CXCL1: variants seen among roughly 807,000 people sequenced by gnomAD.
CXCL1 encodes the protein C-X-C motif chemokine ligand 1.
CXCL1 carries 9 observed loss-of-function variants against 11.7 expected under a neutral mutation model. The ratio of observed to expected loss-of-function variants is 0.77; its 90% confidence interval spans 0.46 to 1.34. The LOEUF is 1.34. CXCL1 is among the 40% of genes most tolerant of loss of function. The pLI, the probability that CXCL1 is intolerant of heterozygous loss-of-function variation, is 0.00. For missense variants in CXCL1, 146 were observed against 138.1 expected (o/e 1.06, Z -0.29); for synonymous variants, 78 against 59.1 (o/e 1.32, Z -1.47).
Position 73,869,848 on chromosome 4 carries a change from G to A in CXCL1, c.224+56G>A, listed in dbSNP as rs1731902180. 5.0e-6 allele frequency: 8 copies of A among 1,613,588 alleles called. No individual in the cohort carries two copies. In the East Asian group the frequency reaches 1.8e-4, roughly 36 times the overall value. On this transcript the variant is annotated intron_variant, in intron 2 of 3. Coordinates refer to ENST00000395761, the MANE Select transcript of CXCL1 (RefSeq NM_001511.4). ...CGCCGGGGTCCCAGACCCTCCTGCT[G>A]CCCCAACCCTGTCCCCAGCCCGACC...
chr4:73,870,069 C>A, intron 3 of CXCL1, 80 bp downstream of exon 3: 3 of 1,355,826 alleles, frequency 2.2e-6, no homozygotes, highest in South Asian at 1.2e-5. Context: ...AAAATAAAAT[C>A]AGGAAAACCC....
Position 73,870,944 on chromosome 4 carries a change from A to G in CXCL1, c.*408A>G. ...GATAGAGGCTGGCGGATCCAAGCAA[A>G]TGGCCAATGAGATCATTGTGAAGGC... On this transcript the variant is annotated 3_prime_UTR_variant, in exon 4 of 4. Transcript: ENST00000395761. 6.0e-6 allele frequency: 1 copy of G among 167,636 alleles called. No individual in the cohort carries two copies. Among genetic ancestry groups the G allele is most frequent in the Non-Finnish European group, 1.3e-5 (1 of 76,418 alleles). The allele number at this position is 167,636 out of a possible 1,614,324, so 10.4% of individuals were successfully genotyped here.
At chr4:73,869,836 G>A (rs1360790181) in intron 2 of CXCL1, 44 bp downstream of exon 2, 2 of 1,613,588 alleles carry the variant, frequency 1.2e-6, no homozygotes, top group Non-Finnish European at 1.7e-6. Flanking sequence ...CGGGGTCCCA[G>A]ACCCTCCTGC....
In CXCL1 at chr4:73,869,775, C is replaced by A; in HGVS notation, c.207C>A (p.Cys69Ter). The stretch of plus-strand genomic sequence containing the variant: ...ACGTGAAGTCCCCCGGACCCCACTG[C>A]GCCCAAACCGAAGTCATGTAAGTCC... ...SVNVKSPGPH[C>*]AQTEVIATLK... is the part of the protein sequence containing the mutation. The change falls in exon 2 of 4, where the codon TGC becomes TGA. Residue 69 changes from cysteine to a stop codon, truncating the protein, a stop_gained. Transcript: ENST00000395761. LOFTEE classifies it high-confidence loss of function. The A allele has an allele frequency of 6.2e-7, 1 of 1,614,054 alleles. No homozygotes were observed. Among genetic ancestry groups the A allele is most frequent in the Non-Finnish European group, 8.5e-7 (1 of 1,179,942 alleles).
Position 73,869,435 on chromosome 4 carries a change from T to TCCTCTC in CXCL1, c.-35_-30dup, listed in dbSNP as rs1393691058. 1 of 1,540,284 alleles carries TCCTCTC rather than the reference T, an allele frequency of 6.5e-7. No individual in the cohort carries two copies. The highest frequency in any genetic ancestry group is 2.4e-5 in the East Asian group (1 of 40,914). On this transcript the variant is annotated 5_prime_UTR_variant, in exon 1 of 4. Transcript: ENST00000395761. ...GGCACCTCCTCGCCAGCTCTTCCGC[T>TCCTCTC]CCTCTCACAGCCGCCAGACCCGCCT...
rs1379829800 is a variant in CXCL1 at position 73,870,879 on chromosome 4, G to A, written c.*343G>A. The A allele has an allele frequency of 4.8e-6, 1 of 206,564 alleles. No individual in the cohort carries two copies. Among genetic ancestry groups the A allele is most frequent in the African/African-American group, 2.3e-5 (1 of 42,622 alleles). 12.8% of individuals were successfully genotyped at this position (206,564 alleles called of 1,614,324 possible). A position where few individuals can be genotyped will look rare whatever the true frequency, so the allele number is the denominator to read the frequency against. ...TTTTCAAATGTTCTCCAGTCATTAT[G>A]TTAATATTTCTGAGGAGCCTGCAAC... On this transcript the variant is annotated 3_prime_UTR_variant, in exon 4 of 4. Coordinates refer to ENST00000395761, the MANE Select transcript of CXCL1 (RefSeq NM_001511.4).
In CXCL1 at chr4:73,870,655, T is replaced by C. The variant is rs772601219; in HGVS notation, c.*119T>C. 1.9e-5 allele frequency: 22 copies of C among 1,150,710 alleles called. No individual in the cohort carries two copies. Among genetic ancestry groups the C allele is most frequent in the African/African-American group, 7.8e-5 (5 of 64,020 alleles). 71.3% of individuals were successfully genotyped at this position (1,150,710 alleles called of 1,614,324 possible). A position where few individuals can be genotyped will look rare whatever the true frequency, so the allele number is the denominator to read the frequency against. On this transcript the variant is annotated 3_prime_UTR_variant, in exon 4 of 4. Transcript: ENST00000395761. ...GCCACCTGGATTGTGCCTAATGTGT[T>C]TGAGCATCGCTTAGGAGAAGTCTTC... is the stretch of plus-strand genomic sequence containing the variant.
chr4:73,869,647 CAGTG>C lies in CXCL1; in HGVS notation c.101-18_101-15del. ...CCCAGCGCCGACAGCCTCGCTCAGT[CAGTG>C]AGTCTCTTCTTCCCTAGGAGCGTCC... is the stretch of plus-strand genomic sequence containing the variant. On this transcript the variant is annotated intron_variant, in intron 1 of 3. Transcript: ENST00000395761. The C allele has an allele frequency of 6.2e-7, 1 of 1,614,096 alleles. No individual in the cohort carries two copies. The highest frequency in any genetic ancestry group is 1.1e-5 in the South Asian group (1 of 91,076).
At position 73,871,281 on chromosome 4, in the gene CXCL1, C is replaced by G; in HGVS notation, c.*745C>G. 3 of 152,288 alleles carry G rather than the reference C, an allele frequency of 2.0e-5. No individual in the cohort carries two copies. In the Middle Eastern group the frequency reaches 0.01, roughly 518 times the overall value. 9.4% of individuals were successfully genotyped at this position (152,288 alleles called of 1,614,324 possible). On this transcript the variant is annotated 3_prime_UTR_variant, in exon 4 of 4. Transcript: ENST00000395761. The stretch of plus-strand genomic sequence containing the variant: ...TGGGGGGAAACAAGGGCTACCTTTA[C>G]TGGAAAATCTGGTGATTTATATCAA...
chr4:73,870,185 G>A, intron 3 of CXCL1, 196 bp downstream of exon 3: 1 of 663,606 alleles, frequency 1.5e-6, no homozygotes. Flanking sequence ...AATGCCTGGC[G>A]TCCCCACCCT....
rs1303671398 is a variant in CXCL1, at chr4:73,871,110, C to T, written c.*574C>T. The stretch of plus-strand genomic sequence containing the variant: ...TAAAATGTTCTAAATATCCCTTGGA[C>T]ATTTTATGTCTTTCTTGTAAGGCAT... On this transcript the variant is annotated 3_prime_UTR_variant, in exon 4 of 4. Coordinates refer to ENST00000395761, the MANE Select transcript of CXCL1 (RefSeq NM_001511.4). 1 of 152,698 alleles carries T rather than the reference C, an allele frequency of 6.5e-6. No individual in the cohort carries two copies. Among genetic ancestry groups the T allele is most frequent in the Non-Finnish European group, 1.5e-5 (1 of 68,370 alleles). The allele number at this position is 152,698 out of a possible 1,614,324, so 9.5% of individuals were successfully genotyped here. A position where few individuals can be genotyped will look rare whatever the true frequency, so the allele number is the denominator to read the frequency against.
rs1731908698 is a variant in CXCL1 at position 73,869,950 on chromosome 4, C to T, written c.269C>T (p.Ser90Phe). 1.2e-6 allele frequency: 2 copies of T among 1,614,120 alleles called. No homozygotes were observed. Among genetic ancestry groups the T allele is most frequent in the Non-Finnish European group, 1.7e-6 (2 of 1,180,018 alleles). ...NGRKACLNPA[S>F]PIVKKIIEKM... ...CGGAAAGCTTGCCTCAATCCTGCATCCCCCATAGTTAAGAAAATCATCGAA... is the reference window on the plus strand; with the variant it reads ...CGGAAAGCTTGCCTCAATCCTGCATTCCCCATAGTTAAGAAAATCATCGAA... Residue 90 changes from serine to phenylalanine, a missense_variant, in exon 3 of 4, where the codon TCC (serine) becomes TTC (phenylalanine). Transcript: ENST00000395761.
intron 3 of CXCL1, 33 bp from the exon 4 acceptor site, chr4:73,870,488 C>G: frequency 6.2e-7 from 1 of 1,613,682 alleles, no homozygotes. Context: ...CTTTCCCGAG[C>G]ACCTACTCAG....
rs1731944106 is a variant in CXCL1 at position 73,871,128 on chromosome 4, T to C, written c.*592T>C. ...CCTTGGACATTTTATGTCTTTCTTG[T>C]AAGGCATACTGCCTTGTTTAATGGT... On this transcript the variant is annotated 3_prime_UTR_variant, in exon 4 of 4. Transcript: ENST00000395761. 6.6e-6 allele frequency: 1 copy of C among 152,654 alleles called. No homozygotes were observed. The highest frequency in any genetic ancestry group is 1.5e-5 in the Non-Finnish European group (1 of 68,314). 9.5% of individuals were successfully genotyped at this position (152,654 alleles called of 1,614,324 possible). A position where few individuals can be genotyped will look rare whatever the true frequency, so the allele number is the denominator to read the frequency against.
chr4:73,870,418 G>A, intron 3 of CXCL1, 103 bp from the exon 4 acceptor site: 1 of 1,470,398 alleles, frequency 6.8e-7, no homozygotes, highest in Non-Finnish European at 9.4e-7. Context: ...TGGGGAAACT[G>A]CATTCGGAAA....
chr4:73,870,035 A>G (rs756177188), intron 3 of CXCL1, 46 bp downstream of exon 3: 3 of 1,579,488 alleles, frequency 1.9e-6, no homozygotes, highest in Non-Finnish European at 1.7e-6. Context: ...GCCGTTGGTC[A>G]GAAATACTGG....
chr4:73,869,448 G>T lies in CXCL1; in HGVS notation c.-23G>T, dbSNP rs1247219211. 5.2e-6 allele frequency: 8 copies of T among 1,545,132 alleles called. No individual in the cohort carries two copies. Among genetic ancestry groups the T allele is most frequent in the South Asian group, 3.5e-5 (3 of 84,730 alleles). On this transcript the variant is annotated 5_prime_UTR_variant, in exon 1 of 4. Transcript: ENST00000395761. ...CAGCTCTTCCGCTCCTCTCACAGCCGCCAGACCCGCCTGCTGAGCCCCATG... is the reference window on the plus strand; with the variant it reads ...CAGCTCTTCCGCTCCTCTCACAGCCTCCAGACCCGCCTGCTGAGCCCCATG...
At position 73,869,783 on chromosome 4, in the gene CXCL1, C is replaced by T. The variant is rs1369986259; in HGVS notation, c.215C>T (p.Thr72Ile). The T allele has an allele frequency of 1.2e-6, 2 of 1,614,050 alleles. No homozygotes were observed. The highest frequency in any genetic ancestry group is 3.3e-5 in the Admixed American group (2 of 60,020). The change falls in exon 2 of 4, where the codon ACC becomes ATC. Residue 72 changes from threonine (T) to isoleucine (I), a missense_variant. Transcript: ENST00000395761. ...TCCCCCGGACCCCACTGCGCCCAAA[C>T]CGAAGTCATGTAAGTCCCGCCCCGC... ...VKSPGPHCAQ[T>I]EVIATLKNGR...
In CXCL1 at chr4:73,869,952, C is replaced by T. The variant is rs1373856221; in HGVS notation, c.271C>T (p.Pro91Ser). The stretch of plus-strand genomic sequence containing the variant: ...GAAAGCTTGCCTCAATCCTGCATCC[C>T]CCATAGTTAAGAAAATCATCGAAAA... Reference protein sequence around the residue: ...GRKACLNPASPIVKKIIEKML... With the variant: ...GRKACLNPASSIVKKIIEKML... Residue 91 changes from proline (P) to serine (S), a missense_variant, in exon 3 of 4, where the codon CCC (proline) becomes TCC (serine). Physicochemically the swap from Pro to Ser is moderately conservative, Grantham distance 74. Transcript: ENST00000395761. The T allele has an allele frequency of 5.0e-6, 8 of 1,613,982 alleles. No individual in the cohort carries two copies. The highest frequency in any genetic ancestry group is 2.7e-5 in the African/African-American group (2 of 74,862).
Sources: allele counts gnomAD v4.1 joint callset, GRCh38; gene constraint gnomAD v4.1.1; transcripts MANE v1.5; gene names NCBI Gene and HGNC (gene_info 2026-07-23, HGNC 2026-07-21).